ZNF182: variants seen among roughly 807,000 people sequenced by gnomAD.
ZNF182 encodes the protein zinc finger protein 182, also known as zinc finger protein 21 (KOX 14).
ZNF182 carries 10 observed loss-of-function variants against 28.1 expected under a neutral mutation model. That is an observed-to-expected ratio of 0.36 (90% CI 0.22 to 0.60). ZNF182 has a LOEUF of 0.60. Ranked by LOEUF, ZNF182 falls within the 20% of genes least tolerant of loss-of-function variation. The probability of loss-of-function intolerance (pLI) is 0.75; values close to 1 mark genes in which losing one functional copy is unlikely to be tolerated. For missense variants in ZNF182, 352 were observed against 453.2 expected (o/e 0.78, Z 2.03); for synonymous variants, 156 against 158.7 (o/e 0.98, Z 0.13).
chrX:47,993,923 C>T (rs2058949954), intron 3 of ZNF182, among the ~76,000 whole-genome samples: 1 of 111,191 alleles, frequency 9.0e-6, no homozygotes, highest in Admixed American at 9.6e-5. Flanking sequence ...CATATCATTG[C>T]CATTCCAGAA....
At chrX:47,990,204 GCACC>G (rs1556900307) in intron 3 of ZNF182, among the ~76,000 whole-genome samples, 2 of 110,190 alleles carry the variant, frequency 1.8e-5, no homozygotes, top group African/African-American at 6.6e-5. Context: ...TACAAATCAG[GCACC>G]CTCCCCTAAA....
At chrX:47,979,827 T>C (rs1282851541) in intron 5 of ZNF182, among the ~76,000 whole-genome samples, 1 of 108,064 alleles carries the variant, frequency 9.3e-6, no homozygotes, top group Non-Finnish European at 1.9e-5. Flanking sequence ...TTTTGAGCCA[T>C]AGGAGAGGGA....
chrX:48,001,887 AAGG>A (rs2058979533), intron 3 of ZNF182, among the ~76,000 whole-genome samples: 1 of 111,694 alleles, frequency 9.0e-6, no homozygotes, highest in Non-Finnish European at 1.9e-5. Context: ...GAGTAGCATG[AAGG>A]AGTTTTTTTG....
Position 47,975,389 on chromosome X carries a change from A to G in ZNF182, c.*778T>C, listed in dbSNP as rs1336083502. The stretch of plus-strand genomic sequence containing the variant: ...AGTGGAATTGCTGGCCCAAAAACCA[A>G]ATGCATTTGTGGTTTTGATTACTTT... On this transcript the variant is annotated 3_prime_UTR_variant, in exon 6 of 6. Coordinates refer to ENST00000376943, the MANE Select transcript of ZNF182 (RefSeq NM_001007088.2). The G allele has an allele frequency of 8.9e-6, 1 of 112,472 alleles. No individual in the cohort carries two copies. The highest frequency in any genetic ancestry group is 1.9e-5 in the Non-Finnish European group (1 of 53,226). 9.3% of individuals were successfully genotyped at this position (112,472 alleles called of 1,213,427 possible). A position where few individuals can be genotyped will look rare whatever the true frequency, so the allele number is the denominator to read the frequency against.
Position 47,976,912 on chromosome X carries a change from T to C in ZNF182, c.1118A>G (p.His373Arg), listed in dbSNP as rs782687373. ...TTTCTCTCCCGTATGAGTTCTCTGG[T>C]GTATAATGAGAGTTGACTTATCACT... is the stretch of plus-strand genomic sequence containing the variant. The part of the protein sequence containing the change: ...TFSDKSTLII[H>R]QRTHTGEKPH... The change falls in exon 6 of 6, where the codon CAC (histidine) becomes CGC (arginine). Residue 373 changes from histidine (H) to arginine (R), a missense_variant. By Grantham distance (29) the His-to-Arg change is conservative (BLOSUM62 0). Transcript: ENST00000376943. The C allele has an allele frequency of 2.5e-6, 3 of 1,208,468 alleles. No individual in the cohort carries two copies. The highest frequency in any genetic ancestry group is 3.4e-6 in the Non-Finnish European group (3 of 894,789).
intron 3 of ZNF182, among the ~76,000 whole-genome samples, chrX:47,993,249 A>G (rs1175409758): frequency 8.9e-6 from 1 of 112,385 alleles, no homozygotes; most frequent in Non-Finnish European, 1.9e-5. Flanking sequence ...GCACACCCAG[A>G]GAGGGCACAG....
chrX:47,995,311 G>A (rs1052152191), intron 3 of ZNF182, among the ~76,000 whole-genome samples: 4 of 111,250 alleles, frequency 3.6e-5, no homozygotes, highest in Non-Finnish European at 7.5e-5. Flanking sequence ...CAGCCTGGGC[G>A]ACAGAGCGAG....
rs1048779444 is a variant in ZNF182 at position 47,975,779 on chromosome X, T to G, written c.*388A>C. ...ATGGTCTAGGAAACATCCTACCTCC[T>G]ACCTGCCCACGCACTGTTACCACTG... On this transcript the variant is annotated 3_prime_UTR_variant, in exon 6 of 6. Transcript: ENST00000376943. 3 of 126,452 alleles carry G rather than the reference T, an allele frequency of 2.4e-5. No individual in the cohort carries two copies. Among genetic ancestry groups the G allele is most frequent in the Non-Finnish European group, 4.8e-5 (3 of 63,116 alleles). The allele number at this position is 126,452 out of a possible 1,213,427, so 10.4% of individuals were successfully genotyped here.
intron 5 of ZNF182, among the ~76,000 whole-genome samples, chrX:47,981,253 G>A (rs1225685650): frequency 7.2e-5 from 8 of 111,808 alleles, no homozygotes; most frequent in African/African-American, 2.6e-4. Context: ...GTCAGAGGCA[G>A]GAAATATACA....
At chrX:48,002,702 T>G (rs2058982658) in intron 2 of ZNF182, 49 bp from the exon 3 acceptor site, 2 of 1,079,193 alleles carry the variant, frequency 1.9e-6, no homozygotes, top group African/African-American at 1.8e-5. Context: ...CCCATCAGAC[T>G]TTCAGTGCCC....
chrX:47,987,145 T>C (rs147458029), intron 3 of ZNF182, among the ~76,000 whole-genome samples: 1,854 of 111,948 alleles, frequency 0.017, 33 homozygotes, highest in African/African-American at 0.058. Flanking sequence ...TCATTGCAAC[T>C]TAATATACAT....
At chrX:47,980,100 T>A (rs1441491870) in intron 5 of ZNF182, among the ~76,000 whole-genome samples, 1 of 111,534 alleles carries the variant, frequency 9.0e-6, no homozygotes, top group East Asian at 2.8e-4. Flanking sequence ...ATTTACACAA[T>A]GGAATACTGT....
intron 5 of ZNF182, among the ~76,000 whole-genome samples, chrX:47,980,626 T>C (rs1221559212): frequency 9.0e-6 from 1 of 111,402 alleles, no homozygotes; most frequent in Non-Finnish European, 1.9e-5. Flanking sequence ...CTGTGCATAG[T>C]AGGAAATGAA....
Position 47,977,741 on chromosome X carries a change from A to G in ZNF182, c.289T>C (p.Cys97Arg), listed in dbSNP as rs1603223528. 1.7e-6 allele frequency: 2 copies of G among 1,201,614 alleles called. No individual in the cohort carries two copies. The highest frequency in any genetic ancestry group is 2.2e-6 in the Non-Finnish European group (2 of 890,124). Residue 97 changes from cysteine (C) to arginine (R), a missense_variant, in exon 6 of 6, where the codon TGT becomes CGT. Cys to Arg is a radical substitution (Grantham distance 180). Coordinates refer to ENST00000376943, the MANE Select transcript of ZNF182 (RefSeq NM_001007088.2). ...ERQHQDDQDK[C>R]LLMQVGFSDK... is the part of the protein sequence containing the mutation. ...GAAAATCCAACTTGCATCAGCAGACATTTATCTTGGTCATCCTGATGTTGC... is the reference window on the plus strand; with the variant it reads ...GAAAATCCAACTTGCATCAGCAGACGTTTATCTTGGTCATCCTGATGTTGC...
chrX:47,991,772 TC>T (rs1452876623), intron 3 of ZNF182, among the ~76,000 whole-genome samples: 1 of 109,926 alleles, frequency 9.1e-6, no homozygotes, highest in Admixed American at 9.6e-5. Flanking sequence ...CATCTTATGA[TC>T]CCCCCACCCC....
At chrX:47,999,362 CAA>C (rs34268696) in intron 3 of ZNF182, among the ~76,000 whole-genome samples, 1,102 of 85,216 alleles carry the variant, frequency 0.013, 23 homozygotes, top group African/African-American at 0.039. Flanking sequence ...GACTCCATCT[CAA>C]AAAAAAAAAA....
At chrX:47,990,188 TA>T (rs1488618646) in intron 3 of ZNF182, among the ~76,000 whole-genome samples, 2 of 110,747 alleles carry the variant, frequency 1.8e-5, no homozygotes, top group Non-Finnish European at 1.9e-5. Flanking sequence ...ACAATATCAA[TA>T]AAAATACAAA....
At chrX:47,990,710 G>A (rs1278706377) in intron 3 of ZNF182, among the ~76,000 whole-genome samples, 1 of 111,674 alleles carries the variant, frequency 9.0e-6, no homozygotes, top group Non-Finnish European at 1.9e-5. Flanking sequence ...GATTGGCAAG[G>A]TATAAAAACA....
chrX:47,991,174 T>C (rs2058940231), intron 3 of ZNF182, among the ~76,000 whole-genome samples: 1 of 111,452 alleles, frequency 9.0e-6, no homozygotes, highest in Admixed American at 9.5e-5. Context: ...CCAAGAGGAC[T>C]GGTGTCCTTA....
Sources: allele counts gnomAD v4.1 joint callset (sites outside exome capture counted in the v4.1 genomes callset), GRCh38; gene constraint gnomAD v4.1.1; transcripts MANE v1.5; gene names NCBI Gene and HGNC (gene_info 2026-07-23, HGNC 2026-07-21).